Variants in MPPED1 observed in about 807,000 individuals in gnomAD.
The protein encoded by MPPED1 is metallophosphoesterase domain-containing protein 1.
Under a neutral mutation model 36.2 loss-of-function variants are expected in MPPED1, and 16 were observed. The observed-to-expected ratio is 0.44, with a 90% confidence interval of 0.30 to 0.67. The LOEUF is 0.67. Ranked by LOEUF, MPPED1 falls within the 30% of genes least tolerant of loss-of-function variation. MPPED1 has a pLI of 0.10. For synonymous variants in MPPED1, 199 were observed against 191.3 expected, an observed-to-expected ratio of 1.04 and a Z score of -0.33; for missense variants, 307 against 453.4, an observed-to-expected ratio of 0.68 and a Z score of 2.93.
chr22:43,487,427 AC>A (rs1931947429), intron 4 of MPPED1, among the ~76,000 whole-genome samples: 1 of 152,178 alleles, frequency 6.6e-6, no homozygotes, highest in African/African-American at 2.4e-5. Context: ...GAACAGAATG[AC>A]CTGGAAGGTG....
rs6003216 is a variant in MPPED1, at chr22:43,474,510, T to G, written c.407-226T>G. Among the ~76,000 whole-genome samples the G allele has an allele frequency of 0.1, 15,885 of 152,014 alleles. 2,456 individuals are homozygous for G. The highest frequency in any genetic ancestry group is 0.34 in the African/African-American group (14,062 of 41,268). On this transcript the variant is annotated intron_variant, in intron 3 of 6. Coordinates refer to ENST00000443721, the MANE Select transcript of MPPED1 (RefSeq NM_001044370.2). This position sits in a 1 kb window ranked among gnomAD's most constrained non-coding sequence, Gnocchi z 5.2. ...GCCCGCCCCTCTCTCAGCCATGCTG[T>G]GGCTTCTGGACAAGCTGACAGCTGT...
intron 4 of MPPED1, among the ~76,000 whole-genome samples, chr22:43,480,826 CTTT>C (rs538718282): frequency 3.6e-5 from 5 of 137,864 alleles, no homozygotes; most frequent in Non-Finnish European, 4.7e-5. Context: ...CTTTTCTTTT[CTTT>C]TTTTTTTTTT....
intron 1 of MPPED1, among the ~76,000 whole-genome samples, chr22:43,415,503 AT>A (rs780819425): frequency 3.9e-5 from 6 of 152,078 alleles, no homozygotes; most frequent in East Asian, 3.9e-4. Flanking sequence ...TCATAAAAAA[AT>A]CATAACAAAT....
At chr22:43,427,809 C>A (rs1418392236) in intron 2 of MPPED1, among the ~76,000 whole-genome samples, 1 of 152,164 alleles carries the variant, frequency 6.6e-6, no homozygotes, top group African/African-American at 2.4e-5. Flanking sequence ...CTTGCCGTGC[C>A]GCCCTCCTTG....
At chr22:43,428,753 G>A (rs1929571899) in intron 2 of MPPED1, among the ~76,000 whole-genome samples, 1 of 152,162 alleles carries the variant, frequency 6.6e-6, no homozygotes, top group Non-Finnish European at 1.5e-5. Context: ...CTTGGGTAAT[G>A]AATCTCCGGA....
Position 43,435,108 on chromosome 22 carries a change from C to G in MPPED1, c.299C>G (p.Ser100Trp). ...TTCGTCTGCGTCTCTGATACCCACT[C>G]GAGGACGGACCCCATCCAGATGCCG... is the stretch of plus-strand genomic sequence containing the variant. ...TRFVCVSDTH[S>W]RTDPIQMPYG... is the part of the protein sequence containing the mutation. The change falls in exon 3 of 7, where the codon TCG (serine) becomes TGG (tryptophan). Residue 100 changes from serine (S) to tryptophan (W), a missense_variant. This residue lies in a region of MPPED1 where 169 missense variants were observed against 212.3 expected (regional missense o/e 0.80). Coordinates refer to ENST00000443721, the MANE Select transcript of MPPED1 (RefSeq NM_001044370.2). 6.2e-7 allele frequency: 1 copy of G among 1,613,898 alleles called. No homozygotes were observed.
chr22:43,469,636 G>C (rs866230907), intron 3 of MPPED1, among the ~76,000 whole-genome samples: 10 of 152,214 alleles, frequency 6.6e-5, no homozygotes, highest in African/African-American at 1.4e-4. Flanking sequence ...ACCTGCAAGA[G>C]AGCATGTTTA....
At chr22:43,450,945 C>T (rs548807862) in intron 3 of MPPED1, among the ~76,000 whole-genome samples, 40 of 151,502 alleles carry the variant, frequency 2.6e-4, no homozygotes, top group Admixed American at 1.2e-3. Flanking sequence ...AGGCTGGTCT[C>T]GAACTCCCAA....
intron 3 of MPPED1, among the ~76,000 whole-genome samples, chr22:43,437,082 C>A (rs1007209334): frequency 1.3e-5 from 2 of 152,180 alleles, no homozygotes; most frequent in Non-Finnish European, 2.9e-5. Flanking sequence ...GGGCTTCAGA[C>A]TGAGGGAGGA....
chr22:43,418,500 C>G, intron 1 of MPPED1: 1 of 231,278 alleles, frequency 4.3e-6, no homozygotes, highest in Non-Finnish European at 8.7e-6. Context: ...CTCTCTCTCT[C>G]TCCTTCCTGG....
intron 3 of MPPED1, among the ~76,000 whole-genome samples, chr22:43,470,350 C>CATCTATAT (rs1931332012): frequency 6.6e-6 from 1 of 151,964 alleles, no homozygotes; most frequent in Non-Finnish European, 1.5e-5. Flanking sequence ...TCCATGTATG[C>CATCTATAT]ATCTATATAT....
intron 1 of MPPED1, chr22:43,416,989 A>G (rs923075578): frequency 1.0e-6 from 1 of 985,434 alleles, no homozygotes; most frequent in Middle Eastern, 5.2e-4. Flanking sequence ...GTGAGCAGCT[A>G]TTTGTGGCAG....
chr22:43,495,809 G>C (rs1439930730), intron 4 of MPPED1, among the ~76,000 whole-genome samples: 1 of 60,104 alleles, frequency 1.7e-5, no homozygotes, highest in Admixed American at 1.5e-4. Flanking sequence ...GGAGGTGGTG[G>C]TGGTGGAGGT....
At chr22:43,485,478 A>G (rs1206008678) in intron 4 of MPPED1, among the ~76,000 whole-genome samples, 3 of 151,880 alleles carry the variant, frequency 2.0e-5, no homozygotes, top group Non-Finnish European at 2.9e-5. Flanking sequence ...ACACTCACAC[A>G]GTCACACACA....
intron 1 of MPPED1, among the ~76,000 whole-genome samples, chr22:43,421,299 G>A (rs972582760): frequency 2.0e-5 from 3 of 152,260 alleles, no homozygotes; most frequent in African/African-American, 7.2e-5. Flanking sequence ...AAAAGAAGCC[G>A]TTGCGTTTCC....
At chr22:43,439,304 G>C (rs1930069786) in intron 3 of MPPED1, among the ~76,000 whole-genome samples, 1 of 152,260 alleles carries the variant, frequency 6.6e-6, no homozygotes, top group Non-Finnish European at 1.5e-5. Context: ...TGAAATAGAA[G>C]TGGCAGCTTG....
intron 3 of MPPED1, among the ~76,000 whole-genome samples, chr22:43,450,957 CT>C (rs1409114548): frequency 2.0e-5 from 3 of 151,374 alleles, no homozygotes; most frequent in African/African-American, 7.3e-5. Flanking sequence ...AACTCCCAAC[CT>C]CAGGTGATCT....
chr22:43,416,137 G>A (rs1929069677), intron 1 of MPPED1, among the ~76,000 whole-genome samples: 1 of 152,240 alleles, frequency 6.6e-6, no homozygotes, highest in South Asian at 2.1e-4. Flanking sequence ...AAGAGGCAAA[G>A]GTTCTCTCCC....
At chr22:43,500,349 A>ATGGTGATGGAGG (rs1569091987) in intron 5 of MPPED1, among the ~76,000 whole-genome samples, 5 of 29,540 alleles carry the variant, frequency 1.7e-4, no homozygotes, top group Admixed American at 4.0e-4. Context: ...GGTGGTGGTG[A>ATGGTGATGGAGG]TGGTGATGGA....
Sources: gnomAD v4.1 joint callset for allele counts (sites outside exome capture counted in the v4.1 genomes callset) on GRCh38, gnomAD v4.1.1 for gene constraint, gnomAD v4.1.1 regional missense constraint, Gnocchi (gnomAD v3.1) non-coding constraint, MANE v1.5 for transcripts, NCBI Gene and HGNC (gene_info 2026-07-23, HGNC 2026-07-21) for gene names.